Variants in DOK6 observed in about 807,000 individuals in gnomAD.
DOK6 encodes the protein docking protein 6, also known as downstream of tyrosine kinase 6.
In DOK6, 22 loss-of-function variants were observed where a neutral mutation model predicts 44.0. That is an observed-to-expected ratio of 0.50 (90% CI 0.36 to 0.71). The LOEUF is 0.71. DOK6 is among the 30% of genes least tolerant of loss of function. The pLI, the probability that DOK6 is intolerant of heterozygous loss-of-function variation, is 0.00. For synonymous variants in DOK6, 166 were observed against 145.5 expected (o/e 1.14, Z -1.01); for missense variants, 340 against 416.4 (o/e 0.82, Z 1.60).
intron 3 of DOK6, among the ~76,000 whole-genome samples, chr18:69,603,895 G>A (rs1019989493): frequency 6.6e-5 from 10 of 151,700 alleles, no homozygotes; most frequent in African/African-American, 2.4e-4. Context: ...AACTATTTTG[G>A]ATATTAAGTT....
intron 3 of DOK6, among the ~76,000 whole-genome samples, chr18:69,650,317 G>T (rs1985190889): frequency 6.6e-6 from 1 of 152,130 alleles, no homozygotes; most frequent in South Asian, 2.1e-4. Flanking sequence ...TCTCTGAGCT[G>T]GAAGTCATCC....
Position 69,527,978 on chromosome 18 carries a change from A to T in DOK6, c.67-36509A>T, listed in dbSNP as rs371569092. Among the ~76,000 whole-genome samples, 350 of 152,178 alleles carry T rather than the reference A, an allele frequency of 2.3e-3. 11 individuals are homozygous for T. In the South Asian group the frequency reaches 0.071, roughly 31 times the overall value. On this transcript the variant is annotated intron_variant, in intron 1 of 7. Transcript: ENST00000382713. ...GGAGATCGATACCATCTTGGCTAAC[A>T]TGGTGAAACCCTGTCTCTACTAAAA... is the stretch of plus-strand genomic sequence containing the variant.
At chr18:69,415,361 T>G (rs1401462983) in intron 1 of DOK6, among the ~76,000 whole-genome samples, 1 of 143,536 alleles carries the variant, frequency 7.0e-6, no homozygotes, top group Non-Finnish European at 1.6e-5. Flanking sequence ...TTGTAAGTCT[T>G]AATTCTCTCA....
chr18:69,598,527 T>C (rs1376108024), intron 2 of DOK6, among the ~76,000 whole-genome samples: 1 of 152,060 alleles, frequency 6.6e-6, no homozygotes, highest in Non-Finnish European at 1.5e-5. Flanking sequence ...CTGTTAACAG[T>C]ATGGATCTAG....
intron 3 of DOK6, among the ~76,000 whole-genome samples, chr18:69,631,055 A>G (rs1043372829): frequency 3.9e-5 from 6 of 152,112 alleles, no homozygotes; most frequent in Admixed American, 3.3e-4. Context: ...CTTATTTGCC[A>G]GGATATTATT....
At chr18:69,485,358 G>C (rs1439943784) in intron 1 of DOK6, among the ~76,000 whole-genome samples, 1 of 152,034 alleles carries the variant, frequency 6.6e-6, no homozygotes, top group East Asian at 1.9e-4. Context: ...ATATTTTAAT[G>C]TGCTTTATGA....
At chr18:69,703,822 T>C (rs1986573947) in intron 5 of DOK6, among the ~76,000 whole-genome samples, 1 of 152,160 alleles carries the variant, frequency 6.6e-6, no homozygotes, top group Non-Finnish European at 1.5e-5. Flanking sequence ...ACTTCTTATA[T>C]CTTTATGACA....
At chr18:69,475,709 G>A (rs191136917) in intron 1 of DOK6, among the ~76,000 whole-genome samples, 4 of 151,830 alleles carry the variant, frequency 2.6e-5, no homozygotes, top group South Asian at 2.1e-4. Context: ...AAAAGTCATC[G>A]TTCACTTTAG....
chr18:69,663,990 A>C (rs1050393403), intron 3 of DOK6, among the ~76,000 whole-genome samples: 6 of 152,100 alleles, frequency 3.9e-5, no homozygotes, highest in African/African-American at 1.4e-4. Flanking sequence ...TAAGCCGTTA[A>C]TTTTTTTTAA....
intron 1 of DOK6, among the ~76,000 whole-genome samples, chr18:69,461,637 T>C (rs896634949): frequency 6.6e-6 from 1 of 152,228 alleles, no homozygotes; most frequent in Non-Finnish European, 1.5e-5. Context: ...CCCACTTTTA[T>C]TCCAGCTGTT....
At chr18:69,670,818 A>T (rs1271703587) in intron 3 of DOK6, among the ~76,000 whole-genome samples, 1 of 151,806 alleles carries the variant, frequency 6.6e-6, no homozygotes, top group Admixed American at 6.6e-5. Flanking sequence ...TGTGCATCAC[A>T]TTTTCTATTG....
chr18:69,832,784 A>G (rs551867699), intron 7 of DOK6: 27 of 152,278 alleles, frequency 1.8e-4, no homozygotes, highest in African/African-American at 6.5e-4. Context: ...AATGGCTACA[A>G]AATATAAAGA....
chr18:69,463,270 G>T (rs1380691613), intron 1 of DOK6, among the ~76,000 whole-genome samples: 1 of 152,044 alleles, frequency 6.6e-6, no homozygotes, highest in Non-Finnish European at 1.5e-5. Flanking sequence ...CCTCCCCAGG[G>T]CCTCTCCTCT....
intron 4 of DOK6, among the ~76,000 whole-genome samples, chr18:69,691,490 T>C (rs1174201634): frequency 6.6e-6 from 1 of 152,162 alleles, no homozygotes; most frequent in Non-Finnish European, 1.5e-5. Context: ...CTGGTAGAAC[T>C]GTAGAATCAA....
At chr18:69,741,105 G>A (rs371135233) in intron 6 of DOK6, among the ~76,000 whole-genome samples, 6 of 152,168 alleles carry the variant, frequency 3.9e-5, no homozygotes, top group Admixed American at 6.5e-5. Flanking sequence ...CACCACAGGC[G>A]TGGGTGCCAA....
chr18:69,775,841 G>A (rs35073462), intron 7 of DOK6, among the ~76,000 whole-genome samples: 14,335 of 151,782 alleles, frequency 0.094, 718 homozygotes, highest in Middle Eastern at 0.15. Flanking sequence ...TAAACTGAAG[G>A]CAAGGCAAAA....
intron 7 of DOK6, among the ~76,000 whole-genome samples, chr18:69,800,751 C>CA (rs1220327234): frequency 6.6e-6 from 1 of 152,124 alleles, no homozygotes; most frequent in African/African-American, 2.4e-5. Flanking sequence ...GCAGTTTGGA[C>CA]ACTGCACAGA....
At chr18:69,539,305 C>T (rs10513965) in intron 1 of DOK6, among the ~76,000 whole-genome samples, 74,821 of 151,966 alleles carry the variant, frequency 0.49, 20,300 homozygotes, top group East Asian at 0.69. Flanking sequence ...TCGTGAATTG[C>T]GAAGTTTGTC....
At chr18:69,760,234 G>A (rs1414948903) in intron 7 of DOK6, among the ~76,000 whole-genome samples, 4 of 151,932 alleles carry the variant, frequency 2.6e-5, no homozygotes, top group Non-Finnish European at 4.4e-5. Context: ...ATGGAATCAG[G>A]GTAGAATAAA....
Sources: allele counts gnomAD v4.1 joint callset (sites outside exome capture counted in the v4.1 genomes callset), GRCh38; gene constraint gnomAD v4.1.1; transcripts MANE v1.5; gene names NCBI Gene and HGNC (gene_info 2026-07-23, HGNC 2026-07-21).